The following SHANK2 variants were observed in gnomAD, a reference collection of about 807,000 sequenced individuals.
SHANK2 encodes the protein SH3 and multiple ankyrin repeat domains protein 2.
Under a neutral mutation model 133.7 loss-of-function variants are expected in SHANK2, and 43 were observed. The ratio of observed to expected loss-of-function variants is 0.32; its 90% CI spans 0.25 to 0.41. The LOEUF is 0.41. SHANK2 is among the 10% of genes least tolerant of loss of function. The pLI, the probability that SHANK2 is intolerant of heterozygous loss-of-function variation, is 1.00. For missense variants in SHANK2, 1,994 were observed against 2,235.8 expected (o/e 0.89, Z 2.18); for synonymous variants, 1,017 against 952.8 (o/e 1.07, Z -1.24).
intron 11 of SHANK2, among the ~76,000 whole-genome samples, chr11:70,853,038 C>T (rs1949113864): frequency 6.6e-6 from 1 of 152,240 alleles, no homozygotes; most frequent in African/African-American, 2.4e-5. Context: ...AAGCAGAGCC[C>T]TCAGGCCCAC....
chr11:71,061,621 T>C (rs1264322549), intron 9 of SHANK2, among the ~76,000 whole-genome samples: 1 of 152,162 alleles, frequency 6.6e-6, no homozygotes, highest in East Asian at 1.9e-4. Flanking sequence ...GCCCTTTCCC[T>C]GGAAAGTAAC....
intron 14 of SHANK2, among the ~76,000 whole-genome samples, chr11:70,711,764 C>T (rs1555026198): frequency 6.6e-6 from 1 of 152,258 alleles, no homozygotes; most frequent in Non-Finnish European, 1.5e-5. Flanking sequence ...ACAAAAATGC[C>T]GCCAACTGGC....
intron 8 of SHANK2, among the ~76,000 whole-genome samples, chr11:71,089,683 G>A (rs1216969426): frequency 5.3e-5 from 8 of 152,152 alleles, no homozygotes; most frequent in African/African-American, 1.7e-4. Flanking sequence ...TGGGTCAGGC[G>A]TGAAGAGGCG....
rs964498773 is a variant in SHANK2 at position 71,070,746 on chromosome 11, C to T, written c.1029+4413G>A. On this transcript the variant is annotated intron_variant, in intron 9 of 25. Transcript: ENST00000601538. ...TACATACTGTCTATGGCTGCTTTTG[C>T]ACTACAGTGGCAGTTGAATCGTTAT... is the stretch of plus-strand genomic sequence containing the variant. Among the ~76,000 whole-genome samples the T allele has an allele frequency of 2.1e-3, 314 of 152,370 alleles. 1 individual carries two copies. Among genetic ancestry groups the T allele is most frequent in the African/African-American group, 7.4e-3 (306 of 41,598 alleles).
chr11:70,921,541 A>G (rs1950351954), intron 10 of SHANK2, among the ~76,000 whole-genome samples: 1 of 152,258 alleles, frequency 6.6e-6, no homozygotes, highest in Non-Finnish European at 1.5e-5. Context: ...TTTCCTTTCA[A>G]TATTTGCCGA....
At chr11:70,501,622 C>T (rs117394422) in intron 20 of SHANK2, among the ~76,000 whole-genome samples, 1 of 152,230 alleles carries the variant, frequency 6.6e-6, no homozygotes, top group Non-Finnish European at 1.5e-5. Flanking sequence ...GCATGGCCCA[C>T]GTGGCTGCTA....
intron 8 of SHANK2, among the ~76,000 whole-genome samples, chr11:71,081,252 G>A (rs1250084975): frequency 6.6e-6 from 1 of 152,190 alleles, no homozygotes; most frequent in Non-Finnish European, 1.5e-5. Context: ...TGGGACTCCA[G>A]CCTCCAGAAC....
chr11:70,584,477 C>G (rs1414559359), intron 17 of SHANK2, among the ~76,000 whole-genome samples: 1 of 152,154 alleles, frequency 6.6e-6, no homozygotes, highest in Non-Finnish European at 1.5e-5. Context: ...CCCCACCCCT[C>G]CTCTATCCGG....
chr11:70,941,264 T>C (rs1400409741), intron 10 of SHANK2, among the ~76,000 whole-genome samples: 1 of 152,156 alleles, frequency 6.6e-6, no homozygotes, highest in Non-Finnish European at 1.5e-5. Context: ...ACTAGACAGA[T>C]AGCTAACTCC....
chr11:71,085,950 A>ATAT (rs1951396215), intron 8 of SHANK2, among the ~76,000 whole-genome samples: 162 of 9,436 alleles, frequency 0.017, 1 homozygote, highest in African/African-American at 0.024. Flanking sequence ...AATATGTTAT[A>ATAT]TATATTATGT....
At chr11:71,183,635 T>C (rs1590997246) in intron 2 of SHANK2, among the ~76,000 whole-genome samples, 1 of 152,172 alleles carries the variant, frequency 6.6e-6, no homozygotes. Context: ...GACACCCCTC[T>C]ACCCTGACTG....
chr11:70,853,168 G>A (rs1253414031), intron 11 of SHANK2, among the ~76,000 whole-genome samples: 1 of 152,238 alleles, frequency 6.6e-6, no homozygotes, highest in Non-Finnish European at 1.5e-5. Context: ...TGGGGAGAGT[G>A]AAGTTGGGGG....
chr11:70,915,718 C>T (rs1196115192), intron 10 of SHANK2, among the ~76,000 whole-genome samples: 5 of 152,238 alleles, frequency 3.3e-5, no homozygotes, highest in Middle Eastern at 3.4e-3. Flanking sequence ...CCTCGCGGGA[C>T]GGACGGGATG....
chr11:71,075,929 C>G (rs1272879519), intron 8 of SHANK2, among the ~76,000 whole-genome samples: 4 of 152,190 alleles, frequency 2.6e-5, no homozygotes, highest in Admixed American at 1.3e-4. Flanking sequence ...CAGACCCAGT[C>G]CTGAACCATT....
intron 10 of SHANK2, among the ~76,000 whole-genome samples, chr11:70,949,790 C>A (rs76612293): frequency 6.6e-6 from 1 of 152,190 alleles, no homozygotes; most frequent in Non-Finnish European, 1.5e-5. Flanking sequence ...CCTGTTCCTA[C>A]GGTAGGGCTG....
At chr11:71,192,573 A>G (rs1953814244) in intron 2 of SHANK2, among the ~76,000 whole-genome samples, 1 of 152,208 alleles carries the variant, frequency 6.6e-6, no homozygotes, top group Non-Finnish European at 1.5e-5. Context: ...AGCCTTTATG[A>G]AGATATTTTA....
chr11:71,124,995 T>C (rs1565465435), intron 3 of SHANK2, among the ~76,000 whole-genome samples: 1 of 152,202 alleles, frequency 6.6e-6, no homozygotes, highest in Non-Finnish European at 1.5e-5. Context: ...TGATCTTTGA[T>C]GTTACTATTG....
intron 9 of SHANK2, among the ~76,000 whole-genome samples, chr11:71,074,833 G>GC (rs1951198180): frequency 6.9e-6 from 1 of 144,252 alleles, no homozygotes; most frequent in African/African-American, 2.6e-5. Flanking sequence ...AGGCTGGAGT[G>GC]CAGTGGCACG....
chr11:71,129,820 T>TA (rs1267359383), intron 3 of SHANK2, among the ~76,000 whole-genome samples: 1 of 152,202 alleles, frequency 6.6e-6, no homozygotes, highest in East Asian at 1.9e-4. Context: ...GTCTGCCACT[T>TA]ACGCTGAGTT....
Sources: allele counts gnomAD v4.1 joint callset (sites outside exome capture counted in the v4.1 genomes callset), GRCh38; gene constraint gnomAD v4.1.1; transcripts MANE v1.5; gene names NCBI Gene and HGNC (gene_info 2026-07-23, HGNC 2026-07-21).